Variants in TAAR5 observed in about 807,000 individuals in gnomAD.
TAAR5 encodes trace amine-associated receptor 5.
A neutral mutation model predicts 21.1 loss-of-function variants in TAAR5; 27 were observed. The ratio of observed to expected loss-of-function variants is 1.28; its 90% confidence interval spans 0.94 to 1.76. The LOEUF (loss-of-function observed/expected upper bound fraction) is 1.76, where lower values mean the gene tolerates loss of function less well. TAAR5 is among the 40% of genes most tolerant of loss of function. The pLI, the probability that TAAR5 is intolerant of heterozygous loss-of-function variation, is 0.00. For synonymous variants in TAAR5, 203 were observed against 167.5 expected (o/e 1.21, Z -1.64); for missense variants, 495 against 405.6 (o/e 1.22, Z -1.89).
chr6:132,612,186 TA>T, the TAAR5 span, among the ~76,000 whole-genome samples: 1 of 152,128 alleles, frequency 6.6e-6, no homozygotes. Flanking sequence ...AAAAATATAT[TA>T]ACTCACCACC....
At position 132,589,237 on chromosome 6, in the gene TAAR5, C is replaced by G; in HGVS notation, c.450G>C (p.Val150=). ...LLYPSKFTVR[V]ALRYILAGWG... is the part of the protein sequence containing the mutation. ...ATCCTGCCAGGATGTACCTGAGAGC[C>G]ACCCTCACTGTGAACTTGGAGGGAT... is the stretch of plus-strand genomic sequence containing the variant. Residue 150 remains valine, a synonymous_variant, in exon 1 of 1, where the codon GTG becomes GTC. Transcript: ENST00000258034. The G allele has an allele frequency of 6.2e-7, 1 of 1,606,980 alleles. No homozygotes were observed. Among genetic ancestry groups the G allele is most frequent in the Non-Finnish European group, 8.5e-7 (1 of 1,176,306 alleles).
At position 132,588,998 on chromosome 6, in the gene TAAR5, G is replaced by T. The variant is rs745969010; in HGVS notation, c.689C>A (p.Ala230Asp). ...TTTGCTCAATGTGGTAATCTGCTGA[G>T]CCTGTCTGGTAGCAACCACAAAGAT... Reference protein sequence around the residue: ...VKIFVVATRQAQQITTLSKSL... With the variant: ...VKIFVVATRQDQQITTLSKSL... Residue 230 changes from alanine to aspartate, a missense_variant, in exon 1 of 1, where the codon GCT becomes GAT. Coordinates refer to ENST00000258034, the MANE Select transcript of TAAR5 (RefSeq NM_003967.3). 20 of 1,613,672 alleles carry T rather than the reference G, an allele frequency of 1.2e-5. No homozygotes were observed. Among genetic ancestry groups the T allele is most frequent in the Middle Eastern group, 1.7e-4 (1 of 6,058 alleles).
the TAAR5 span, among the ~76,000 whole-genome samples, chr6:132,609,600 G>A: frequency 6.6e-6 from 1 of 152,044 alleles, no homozygotes; most frequent in South Asian, 2.1e-4. Flanking sequence ...TCCTGGTAAG[G>A]AAATGGGAGA....
chr6:132,588,982 T>A lies in TAAR5; in HGVS notation c.705A>T (p.Thr235=). 1.2e-6 allele frequency: 2 copies of A among 1,614,046 alleles called. No homozygotes were observed. Among genetic ancestry groups the A allele is most frequent in the Non-Finnish European group, 1.7e-6 (2 of 1,179,980 alleles). Residue 235 remains threonine, a synonymous_variant, in exon 1 of 1, where the codon ACA becomes ACT. Transcript: ENST00000258034. The stretch of plus-strand genomic sequence containing the variant: ...CAGCCCCAGCCAGGCTTTTGCTCAA[T>A]GTGGTAATCTGCTGAGCCTGTCTGG... ...VATRQAQQIT[T]LSKSLAGAAK... is the part of the protein sequence containing the mutation.
the TAAR5 span, among the ~76,000 whole-genome samples, chr6:132,601,762 G>A: frequency 6.6e-6 from 1 of 152,176 alleles, no homozygotes; most frequent in Non-Finnish European, 1.5e-5. Flanking sequence ...ATATGTGACA[G>A]TATGTAAAAC....
the TAAR5 span, among the ~76,000 whole-genome samples, chr6:132,599,669 T>A: frequency 6.6e-6 from 1 of 152,192 alleles, no homozygotes; most frequent in African/African-American, 2.4e-5. Flanking sequence ...ATTATTCATA[T>A]TTAAATCAAC....
At chr6:132,591,934 T>C (rs1776912994), upstream of TAAR5, among the ~76,000 whole-genome samples, 1 of 152,256 alleles carries the variant, frequency 6.6e-6, no homozygotes, top group South Asian at 2.1e-4. Flanking sequence ...ATTCATAAAG[T>C]GCAGTCTCTG....
the TAAR5 span, among the ~76,000 whole-genome samples, chr6:132,614,597 G>C: frequency 6.6e-6 from 1 of 152,096 alleles, no homozygotes; most frequent in Non-Finnish European, 1.5e-5. Context: ...TGAAAAGTTA[G>C]TTGTGAATCA....
the TAAR5 span, among the ~76,000 whole-genome samples, chr6:132,599,077 A>G: frequency 2.0e-5 from 3 of 152,170 alleles, no homozygotes; most frequent in Non-Finnish European, 4.4e-5. Context: ...AATTTTTCAA[A>G]TAAAGGTCTT....
At position 132,588,749 on chromosome 6, in the gene TAAR5, C is replaced by A; in HGVS notation, c.938G>T (p.Arg313Leu). ...IIYVFSYQWF[R>L]KALKLTLSQK... ...GCTCAGTGTGAGTTTCAGTGCCTTC[C>A]GAAACCACTGGTAGGAAAAGACATA... The change falls in exon 1 of 1, where the codon CGG (arginine) becomes CTG (leucine). Residue 313 changes from arginine (R) to leucine (L), a missense_variant. Physicochemically the swap from Arg to Leu is moderately radical, Grantham distance 102. Coordinates refer to ENST00000258034, the MANE Select transcript of TAAR5 (RefSeq NM_003967.3). 6.2e-7 allele frequency: 1 copy of A among 1,613,900 alleles called. No individual in the cohort carries two copies. Among genetic ancestry groups the A allele is most frequent in the South Asian group, 1.1e-5 (1 of 91,070 alleles).
the TAAR5 span, among the ~76,000 whole-genome samples, chr6:132,604,956 G>A: frequency 2.0e-5 from 3 of 152,204 alleles, no homozygotes; most frequent in Admixed American, 6.5e-5. Context: ...ATGACTGCAT[G>A]GAGAGGGACT....
chr6:132,611,776 C>T, the TAAR5 span, among the ~76,000 whole-genome samples: 1 of 152,122 alleles, frequency 6.6e-6, no homozygotes, highest in African/African-American at 2.4e-5. Context: ...GTGTCCTATA[C>T]TCAGGGGAAA....
the TAAR5 span, among the ~76,000 whole-genome samples, chr6:132,601,282 A>C: frequency 6.6e-6 from 1 of 152,242 alleles, no homozygotes; most frequent in Admixed American, 6.5e-5. Context: ...ATCTGAATTA[A>C]ATACAAAATT....
chr6:132,604,773 G>A, the TAAR5 span, among the ~76,000 whole-genome samples: 1 of 152,312 alleles, frequency 6.6e-6, no homozygotes, highest in Admixed American at 6.5e-5. Context: ...AGCCAACCTG[G>A]GTGACTGAGG....
At chr6:132,597,130 C>T in the TAAR5 span, among the ~76,000 whole-genome samples, 2 of 151,912 alleles carry the variant, frequency 1.3e-5, no homozygotes, top group Non-Finnish European at 2.9e-5. Flanking sequence ...ATAATTTAAC[C>T]TCCTCAGTTT....
At chr6:132,604,146 C>CTTTTTTT in the TAAR5 span, among the ~76,000 whole-genome samples, 7 of 126,004 alleles carry the variant, frequency 5.6e-5, no homozygotes, top group East Asian at 2.2e-4. Context: ...TTTTTCTTTT[C>CTTTTTTT]TTTTTTTTTT....
chr6:132,591,961 G>A (rs776079764), upstream of TAAR5, among the ~76,000 whole-genome samples: 2 of 152,192 alleles, frequency 1.3e-5, no homozygotes, highest in Non-Finnish European at 2.9e-5. Flanking sequence ...AGAAAGTTGA[G>A]TTGGGCAGAC....
chr6:132,596,235 G>A, the TAAR5 span, among the ~76,000 whole-genome samples: 8 of 152,246 alleles, frequency 5.3e-5, no homozygotes, highest in South Asian at 1.0e-3. Context: ...AATGTGATAC[G>A]TGTGAGTGCT....
At chr6:132,612,675 G>A in the TAAR5 span, among the ~76,000 whole-genome samples, 2 of 152,142 alleles carry the variant, frequency 1.3e-5, no homozygotes, top group Non-Finnish European at 2.9e-5. Context: ...GTCCCATTAA[G>A]GTGTGAAGAT....
Sources: gnomAD v4.1 joint callset for allele counts (sites outside exome capture counted in the v4.1 genomes callset) on GRCh38, gnomAD v4.1.1 for gene constraint, MANE v1.5 for transcripts, NCBI Gene and HGNC (gene_info 2026-07-23, HGNC 2026-07-21) for gene names.